Variants in DAB1 observed in about 807,000 individuals in gnomAD.
The protein encoded by DAB1 is disabled homolog 1.
A neutral mutation model predicts 64.6 loss-of-function variants in DAB1; 15 were observed. That is an observed-to-expected ratio of 0.23 (90% CI 0.16 to 0.36). DAB1 has a LOEUF of 0.36. Among genes scored for constraint, DAB1 ranks in the 10% least tolerant of loss-of-function variants. The pLI, the probability that DAB1 is intolerant of heterozygous loss-of-function variation, is 1.00. For synonymous variants in DAB1, 235 were observed against 251.9 expected, an observed-to-expected ratio of 0.93 and a Z score of 0.64; for missense variants, 596 against 706.7, an observed-to-expected ratio of 0.84 and a Z score of 1.78.
At chr1:58,154,277 T>C (rs1469743114) in intron 4 of DAB1, among the ~76,000 whole-genome samples, 1 of 151,956 alleles carries the variant, frequency 6.6e-6, no homozygotes, top group African/African-American at 2.4e-5. Context: ...AAAAGACTCG[T>C]TAGAAAAACC....
At chr1:58,514,647 A>G (rs568827024) in intron 2 of DAB1, among the ~76,000 whole-genome samples, 2 of 152,312 alleles carry the variant, frequency 1.3e-5, no homozygotes, top group African/African-American at 4.8e-5. Context: ...TAAAATAATC[A>G]TCTGAGACAA....
intron 2 of DAB1, among the ~76,000 whole-genome samples, chr1:57,263,365 C>A (rs1055278021): frequency 6.6e-6 from 1 of 152,058 alleles, no homozygotes; most frequent in Non-Finnish European, 1.5e-5. Flanking sequence ...GGTGATCTGC[C>A]CACTTTGGCC....
intron 2 of DAB1, among the ~76,000 whole-genome samples, chr1:57,252,323 C>T (rs754331425): frequency 6.6e-6 from 1 of 152,180 alleles, no homozygotes; most frequent in African/African-American, 2.4e-5. Context: ...CCTGCATTAG[C>T]AACTCGTAGC....
chr1:57,278,141 C>T (rs975183136), intron 2 of DAB1, among the ~76,000 whole-genome samples: 8 of 152,172 alleles, frequency 5.3e-5, no homozygotes, highest in South Asian at 2.1e-4. Context: ...CATGGTGTAG[C>T]GGAAAGAGCT....
At chr1:58,358,808 T>C (rs1644134771) in intron 3 of DAB1, among the ~76,000 whole-genome samples, 1 of 152,130 alleles carries the variant, frequency 6.6e-6, no homozygotes, top group African/African-American at 2.4e-5. Flanking sequence ...ATGTCTCCTT[T>C]TCTTTCTTCT....
rs188683230 is a variant in DAB1 at position 57,660,100 on chromosome 1, C to T, written n.552-10435G>A. On this transcript the variant is annotated intron_variant and non_coding_transcript_variant, in intron 6 of 20. Transcript: ENST00000485760. ...AAAAATGAAATAAAATCTGAGAATG[C>T]ATTACAATATTCCAGTATGGATTTA... is the stretch of plus-strand genomic sequence containing the variant. Among the ~76,000 whole-genome samples, 851 of 151,874 alleles carry T rather than the reference C, an allele frequency of 5.6e-3. 9 individuals carry two copies. The highest frequency in any genetic ancestry group is 0.019 in the African/African-American group (789 of 41,438).
At chr1:57,697,908 G>A (rs1476838417) in intron 6 of DAB1, among the ~76,000 whole-genome samples, 1 of 152,142 alleles carries the variant, frequency 6.6e-6, no homozygotes, top group Non-Finnish European at 1.5e-5. Context: ...TGGATTCAAA[G>A]CTGGTAGATT....
chr1:57,121,590 A>G (rs1356037302), intron 4 of DAB1, among the ~76,000 whole-genome samples: 3 of 152,128 alleles, frequency 2.0e-5, no homozygotes, highest in African/African-American at 7.2e-5. Context: ...AAAACCCGGC[A>G]CATTTTAGAA....
At chr1:57,252,073 C>T (rs984305227) in intron 2 of DAB1, among the ~76,000 whole-genome samples, 1 of 152,158 alleles carries the variant, frequency 6.6e-6, no homozygotes, top group East Asian at 1.9e-4. Flanking sequence ...ATTAGTGAAT[C>T]GAAGACTTCA....
chr1:57,096,174 G>A (rs751676610), intron 4 of DAB1, among the ~76,000 whole-genome samples: 3 of 152,168 alleles, frequency 2.0e-5, no homozygotes, highest in African/African-American at 4.8e-5. Context: ...AGATCAGCCA[G>A]CTGGAAAAGT....
At chr1:58,493,773 C>T in intron 3 of DAB1, among the ~76,000 whole-genome samples, 1 of 151,798 alleles carries the variant, frequency 6.6e-6, no homozygotes, top group Non-Finnish European at 1.5e-5. Flanking sequence ...AAAGAGGATA[C>T]AAACAAATGG....
chr1:57,809,360 C>A (rs1651511086), intron 6 of DAB1, among the ~76,000 whole-genome samples: 1 of 152,184 alleles, frequency 6.6e-6, no homozygotes, highest in Admixed American at 6.5e-5. Flanking sequence ...TTTGTCATCA[C>A]TATCTTTAAC....
intron 5 of DAB1, among the ~76,000 whole-genome samples, chr1:58,141,319 G>C (rs1252070798): frequency 6.6e-6 from 1 of 152,184 alleles, no homozygotes; most frequent in Middle Eastern, 3.2e-3. Context: ...GCAGGCAAGA[G>C]AGCGTGTGTA....
chr1:58,214,852 G>A (rs1322472817), intron 4 of DAB1, among the ~76,000 whole-genome samples: 1 of 152,148 alleles, frequency 6.6e-6, no homozygotes, highest in Non-Finnish European at 1.5e-5. Flanking sequence ...AGGCCACTGT[G>A]GCCTCATGGT....
At chr1:57,973,718 A>T (rs1020007600) in intron 5 of DAB1, among the ~76,000 whole-genome samples, 1 of 152,078 alleles carries the variant, frequency 6.6e-6, no homozygotes, top group Non-Finnish European at 1.5e-5. Flanking sequence ...CCTTCAAAAC[A>T]TCCCCAATCT....
intron 3 of DAB1, among the ~76,000 whole-genome samples, chr1:58,441,033 A>G (rs939376864): frequency 6.6e-6 from 1 of 152,188 alleles, no homozygotes; most frequent in Non-Finnish European, 1.5e-5. Context: ...GAGTTGGGGC[A>G]TTTATACCCT....
intron 5 of DAB1, among the ~76,000 whole-genome samples, chr1:57,964,401 C>G (rs1340715293): frequency 1.3e-5 from 2 of 152,172 alleles, no homozygotes; most frequent in Admixed American, 6.5e-5. Context: ...TTTCACAGAA[C>G]CTTATGAGGT....
Position 57,870,204 on chromosome 1 carries a change from T to C in DAB1, n.87+13795A>G, listed in dbSNP as rs368475824. On this transcript the variant is annotated intron_variant and non_coding_transcript_variant, in intron 1 of 1. Coordinates refer to the DAB1 transcript ENST00000477280. ...CATACAGGAGGCATACATTAAATATTAGGCCCCTCAATAAATGTTAGCCTA... is the reference window on the plus strand; with the variant it reads ...CATACAGGAGGCATACATTAAATATCAGGCCCCTCAATAAATGTTAGCCTA... Among the ~76,000 whole-genome samples the C allele has an allele frequency of 2.6e-5, 4 of 152,248 alleles. No individual in the cohort carries two copies. The East Asian group carries it at 5.8e-4, about 22-fold the overall frequency.
At chr1:58,480,938 T>C (rs376122252) in intron 3 of DAB1, 22 of 842,754 alleles carry the variant, frequency 2.6e-5, no homozygotes, top group Non-Finnish European at 4.1e-5. Flanking sequence ...ACATTCTTCA[T>C]ATATCTTGTG....
Sources: gnomAD v4.1 joint callset for allele counts (sites outside exome capture counted in the v4.1 genomes callset) on GRCh38, gnomAD v4.1.1 for gene constraint, MANE v1.5 for transcripts, NCBI Gene and HGNC (gene_info 2026-07-23, HGNC 2026-07-21) for gene names.